The following NKIRAS1 variants were observed in gnomAD, a reference collection of about 807,000 sequenced individuals.
NKIRAS1 encodes NFKB inhibitor interacting Ras like 1.
NKIRAS1 carries 16 observed loss-of-function variants against 19.8 expected under a neutral mutation model. That is an observed-to-expected ratio of 0.81 (90% CI 0.55 to 1.23). NKIRAS1 has a LOEUF of 1.23. Among genes scored for constraint, NKIRAS1 ranks in the 50% most tolerant of loss-of-function variants. The pLI is 0.00. For synonymous variants in NKIRAS1, 88 were observed against 79.0 expected, an observed-to-expected ratio of 1.11 and a Z score of -0.61; for missense variants, 184 against 220.0, an observed-to-expected ratio of 0.84 and a Z score of 1.04.
rs1261746643 is a variant in NKIRAS1, at chr3:23,905,235, C to T, written c.95-4186G>A. On this transcript the variant is annotated intron_variant, in intron 3 of 4. Transcript: ENST00000425478. ...AAATAAACTAGACCATTTAGTGACA[C>T]ACATATGTGGCAATTAAAAATAAAA... is the stretch of plus-strand genomic sequence containing the variant. 6.6e-5 allele frequency among the ~76,000 whole-genome samples: 10 copies of T among 152,234 alleles called. No homozygotes were observed. The East Asian group carries it at 1.7e-3, about 26-fold the overall frequency.
chr3:23,898,405 TA>T (rs1702188815), intron 4 of NKIRAS1, among the ~76,000 whole-genome samples: 1 of 150,512 alleles, frequency 6.6e-6, no homozygotes, highest in Admixed American at 6.6e-5. Context: ...GATATGTGAG[TA>T]AAAAAAGCCA....
chr3:23,890,430 T>C lies in NKIRAS1; in HGVS notation c.*2665A>G, dbSNP rs1701372748. The C allele has an allele frequency of 3.6e-6, 5 of 1,378,234 alleles. No homozygotes were observed. The highest frequency in any genetic ancestry group is 5.0e-6 in the Non-Finnish European group (5 of 995,386). 85.4% of individuals were successfully genotyped at this position (1,378,234 alleles called of 1,614,324 possible). A position where few individuals can be genotyped will look rare whatever the true frequency, so the allele number is the denominator to read the frequency against. On this transcript the variant is annotated 3_prime_UTR_variant, in exon 5 of 5. Coordinates refer to ENST00000425478, the MANE Select transcript of NKIRAS1 (RefSeq NM_020345.4). ...TCACACATACTTTGTCGTACGTATCTACCCAAGCTGTCACTATTCGCTAAA... is the reference window on the plus strand; with the variant it reads ...TCACACATACTTTGTCGTACGTATCCACCCAAGCTGTCACTATTCGCTAAA...
At chr3:23,921,662 T>C, upstream of NKIRAS1, 1 of 678,214 alleles carries the variant, frequency 1.5e-6, no homozygotes, top group East Asian at 2.7e-5. Context: ...GCAACCTCTG[T>C]CTCCCGGGTT....
chr3:23,926,586 T>A lies in NKIRAS1; in HGVS notation c.-139-15136A>T, dbSNP rs953818862. Among the ~76,000 whole-genome samples, 3 of 152,168 alleles carry A rather than the reference T, an allele frequency of 2.0e-5. No homozygotes were observed. The highest frequency in any genetic ancestry group is 2.9e-5 in the Non-Finnish European group (2 of 68,030). On this transcript the variant is annotated intron_variant, in intron 1 of 4. Coordinates refer to the NKIRAS1 transcript ENST00000421515. The surrounding 1 kb of genome is among the most constrained non-coding windows in gnomAD (Gnocchi z 4.3). ...TCTAGTTTTACCGTAAAAAGTTTGATGTATAGATTTCATATGAGAATAGTA... is the reference window on the plus strand; with the variant it reads ...TCTAGTTTTACCGTAAAAAGTTTGAAGTATAGATTTCATATGAGAATAGTA...
At chr3:23,911,990 C>T (rs1165146878) in intron 1 of NKIRAS1, among the ~76,000 whole-genome samples, 2 of 151,852 alleles carry the variant, frequency 1.3e-5, no homozygotes, top group African/African-American at 4.8e-5. Flanking sequence ...TCTCAAACTC[C>T]TGACCTCAAG....
At chr3:23,902,134 A>G (rs1177720027) in intron 3 of NKIRAS1, among the ~76,000 whole-genome samples, 1 of 152,190 alleles carries the variant, frequency 6.6e-6, no homozygotes, top group African/African-American at 2.4e-5. Flanking sequence ...AGGTAAAATC[A>G]CATGGATAAC....
rs1239262471 is a variant in NKIRAS1 at position 23,916,910 on chromosome 3, G to C, written c.-266C>G. On this transcript the variant is annotated 5_prime_UTR_variant, in exon 1 of 5. Transcript: ENST00000425478. ...TCGCCGACGCTCGCTTAGCCGCCGA[G>C]ACCTCGCCGCCAACTCTCTCACCTC... 6.5e-6 allele frequency: 1 copy of C among 152,740 alleles called. No individual in the cohort carries two copies. Among genetic ancestry groups the C allele is most frequent in the Non-Finnish European group, 1.5e-5 (1 of 68,098 alleles). The allele number at this position is 152,740 out of a possible 1,614,324, so 9.5% of individuals were successfully genotyped here.
intron 1 of NKIRAS1, among the ~76,000 whole-genome samples, chr3:23,941,096 T>C (rs112527176): frequency 7.5e-4 from 114 of 152,378 alleles, no homozygotes; most frequent in African/African-American, 1.5e-3. Flanking sequence ...ATCTAGGGCA[T>C]AGAAAAGGCA....
At chr3:23,946,477 G>A (rs1705715962) in exon 1 of NKIRAS1, 2 of 184,262 alleles carry the variant, frequency 1.1e-5, no homozygotes, top group East Asian at 1.9e-4. Flanking sequence ...GGGTAGCACC[G>A]CCCCTGTTAG....
upstream of NKIRAS1, chr3:23,919,575 G>T (rs1704956754): frequency 7.0e-7 from 1 of 1,436,274 alleles, no homozygotes; most frequent in African/African-American, 1.4e-5. Flanking sequence ...GGTGTTATTT[G>T]TCTGTTAAAA....
intron 1 of NKIRAS1, chr3:23,946,270 G>A (rs1705704024): frequency 1.0e-6 from 1 of 985,364 alleles, no homozygotes; most frequent in African/African-American, 1.7e-5. Flanking sequence ...CCAAGGCGCG[G>A]ACCCCGCGCA....
upstream of NKIRAS1, chr3:23,920,568 A>G (rs1224882863): frequency 2.1e-5 from 21 of 985,358 alleles, no homozygotes; most frequent in Non-Finnish European, 2.4e-5. Context: ...TCCAGGGTCA[A>G]TTTGAGTGTA....
chr3:23,940,968 T>A (rs1705484916), intron 1 of NKIRAS1, among the ~76,000 whole-genome samples: 1 of 152,214 alleles, frequency 6.6e-6, no homozygotes, highest in Non-Finnish European at 1.5e-5. Context: ...GTGTTTTAAA[T>A]GTCTCTGTTT....
exon 1 of NKIRAS1, chr3:23,946,434 G>A (rs968274196): frequency 5.4e-6 from 2 of 370,110 alleles, no homozygotes; most frequent in Non-Finnish European, 7.5e-6. Flanking sequence ...GGAGCTCTGA[G>A]GTGCTTCGAT....
intron 3 of NKIRAS1, among the ~76,000 whole-genome samples, chr3:23,909,605 C>G (rs1196016129): frequency 6.6e-6 from 1 of 152,150 alleles, no homozygotes; most frequent in East Asian, 1.9e-4. Context: ...CTAACACAAA[C>G]GTCATTTCAT....
intron 1 of NKIRAS1, among the ~76,000 whole-genome samples, chr3:23,915,595 T>C (rs1352432258): frequency 6.6e-6 from 1 of 152,174 alleles, no homozygotes; most frequent in Non-Finnish European, 1.5e-5. Flanking sequence ...CCATATGAAG[T>C]CATCCTTCTG....
At chr3:23,900,641 C>CAAAAAA (rs57762803) in intron 4 of NKIRAS1, among the ~76,000 whole-genome samples, 167 bp downstream of exon 4, 6 of 113,930 alleles carry the variant, frequency 5.3e-5, no homozygotes, top group Admixed American at 9.4e-5. Flanking sequence ...GACTCCGTCT[C>CAAAAAA]AAAAAAAAAA....
chr3:23,939,821 C>A (rs191481003), intron 1 of NKIRAS1, among the ~76,000 whole-genome samples: 171 of 152,212 alleles, frequency 1.1e-3, no homozygotes, highest in African/African-American at 3.6e-3. Context: ...TAAGAGGATA[C>A]AAACAACTGT....
intron 1 of NKIRAS1, chr3:23,945,551 C>T (rs1444481152): frequency 5.0e-5 from 57 of 1,147,704 alleles, no homozygotes; most frequent in Non-Finnish European, 5.7e-5. Context: ...GGGAAGCGGG[C>T]GGCCCCGGCC....
Sources: allele counts gnomAD v4.1 joint callset (sites outside exome capture counted in the v4.1 genomes callset), GRCh38; gene constraint gnomAD v4.1.1; non-coding constraint Gnocchi (gnomAD v3.1); transcripts MANE v1.5; gene names NCBI Gene and HGNC (gene_info 2026-07-23, HGNC 2026-07-21).